YEATS4: variants seen among roughly 807,000 people sequenced by gnomAD.
The protein encoded by YEATS4 is YEATS domain containing 4.
A neutral mutation model predicts 30.1 loss-of-function variants in YEATS4; 17 were observed. The observed-to-expected ratio is 0.56, with a 90% CI of 0.39 to 0.85. The LOEUF (loss-of-function observed/expected upper bound fraction) is 0.85. Among genes scored for constraint, YEATS4 ranks in the 40% least tolerant of loss-of-function variants. The pLI is 0.00. For missense variants in YEATS4, 142 were observed against 268.3 expected (o/e 0.53, Z 3.29); for synonymous variants, 85 against 87.5 (o/e 0.97, Z 0.16).
the YEATS4 span, among the ~76,000 whole-genome samples, chr12:69,413,858 A>AAAAAAG: frequency 7.4e-5 from 11 of 149,032 alleles, no homozygotes; most frequent in Admixed American, 4.1e-4. Flanking sequence ...TCAAAAAAAA[A>AAAAAAG]AAAAAGAAAA....
intron 6 of YEATS4, among the ~76,000 whole-genome samples, chr12:69,377,658 G>A (rs2121002998): frequency 6.6e-6 from 1 of 152,220 alleles, no homozygotes; most frequent in African/African-American, 2.4e-5. Context: ...AATTCCTCTT[G>A]TTATTGATTT....
At chr12:69,371,039 G>T in intron 6 of YEATS4, 64 bp downstream of exon 6, 1 of 1,499,070 alleles carries the variant, frequency 6.7e-7, no homozygotes, top group Non-Finnish European at 9.1e-7. Context: ...AGGGTTGTAT[G>T]ATTCGTGCCT....
At chr12:69,360,726 C>G (rs918260047) in intron 1 of YEATS4, among the ~76,000 whole-genome samples, 1 of 150,364 alleles carries the variant, frequency 6.7e-6, no homozygotes, top group African/African-American at 2.5e-5. Flanking sequence ...AGCGCAATGG[C>G]ACGATCTCGG....
At chr12:69,406,650 C>T in the YEATS4 span, among the ~76,000 whole-genome samples, 6 of 151,958 alleles carry the variant, frequency 3.9e-5, no homozygotes, top group Admixed American at 6.6e-5. Flanking sequence ...GGCCATGTAA[C>T]TGGTTTTATT....
chr12:69,389,131 G>T (rs976148938), intron 6 of YEATS4, among the ~76,000 whole-genome samples: 6 of 152,138 alleles, frequency 3.9e-5, no homozygotes, highest in African/African-American at 1.4e-4. Context: ...ATATTGGCTT[G>T]TATTGATAGT....
intron 6 of YEATS4, among the ~76,000 whole-genome samples, chr12:69,376,377 A>G (rs912052431): frequency 2.6e-5 from 4 of 152,358 alleles, no homozygotes; most frequent in African/African-American, 9.6e-5. Flanking sequence ...GAATAAATAA[A>G]TAAATAAATA....
At chr12:69,416,504 C>A in the YEATS4 span, among the ~76,000 whole-genome samples, 1 of 152,108 alleles carries the variant, frequency 6.6e-6, no homozygotes, top group African/African-American at 2.4e-5. Context: ...CTAAATGGTG[C>A]TTATCAGTGT....
the YEATS4 span, among the ~76,000 whole-genome samples, chr12:69,410,505 AATT>A: frequency 2.0e-5 from 3 of 152,230 alleles, no homozygotes; most frequent in Admixed American, 2.0e-4. Context: ...GTCAGGCAAA[AATT>A]ATTATATGTG....
At chr12:69,361,247 GTGTGT>G (rs1875193958) in intron 1 of YEATS4, 1 of 136,676 alleles carries the variant, frequency 7.3e-6, no homozygotes, top group African/African-American at 3.5e-5. Flanking sequence ...ACTTATGTGT[GTGTGT>G]GTGTGTGTGT....
chr12:69,363,283 G>A (rs1007268105), intron 2 of YEATS4, among the ~76,000 whole-genome samples: 5 of 151,744 alleles, frequency 3.3e-5, no homozygotes, highest in South Asian at 2.1e-4. Context: ...GTGAGCCACC[G>A]CGCCCGGCCG....
the YEATS4 span, among the ~76,000 whole-genome samples, chr12:69,415,716 G>A: frequency 1.3e-5 from 2 of 152,204 alleles, no homozygotes; most frequent in East Asian, 3.8e-4. Flanking sequence ...TGTGTATGGG[G>A]ACAGGTGAGG....
At chr12:69,417,692 G>A in the YEATS4 span, among the ~76,000 whole-genome samples, 7 of 152,128 alleles carry the variant, frequency 4.6e-5, no homozygotes, top group Middle Eastern at 3.4e-3. Context: ...CACTACCCAC[G>A]TACTGTGTTT....
At position 69,368,912 on chromosome 12, in the gene YEATS4, A is replaced by C. The variant is rs553265007; in HGVS notation, c.334-1794A>C. ...TACACCTGCAAAGACCCTGTTTCCA[A>C]ATAATGTCACATCCACAGGTGCTGA... On this transcript the variant is annotated intron_variant, in intron 4 of 6. Coordinates refer to ENST00000247843, the MANE Select transcript of YEATS4 (RefSeq NM_006530.4). Among the ~76,000 whole-genome samples, 5 of 152,260 alleles carry C rather than the reference A, an allele frequency of 3.3e-5. No homozygotes were observed. The South Asian group carries it at 1.0e-3, about 32-fold the overall frequency.
At chr12:69,419,014 C>CAT in the YEATS4 span, among the ~76,000 whole-genome samples, 53,714 of 143,140 alleles carry the variant, frequency 0.38, 10,098 homozygotes, top group Non-Finnish European at 0.43. Flanking sequence ...TAATTTAAGC[C>CAT]ATATATATAT....
intron 4 of YEATS4, among the ~76,000 whole-genome samples, chr12:69,369,276 AG>A (rs963390828): frequency 2.6e-5 from 4 of 152,224 alleles, no homozygotes; most frequent in African/African-American, 9.6e-5. Flanking sequence ...GATTGATTAT[AG>A]GTGATCCTTT....
At chr12:69,382,184 T>C (rs1166506832) in intron 6 of YEATS4, among the ~76,000 whole-genome samples, 1 of 152,198 alleles carries the variant, frequency 6.6e-6, no homozygotes, top group Non-Finnish European at 1.5e-5. Flanking sequence ...TTGCACTGCA[T>C]TTGCATGCGA....
intron 2 of YEATS4, among the ~76,000 whole-genome samples, chr12:69,364,765 G>A (rs980916344): frequency 2.0e-5 from 3 of 151,946 alleles, no homozygotes; most frequent in South Asian, 2.1e-4. Flanking sequence ...GATTACAGGC[G>A]CCGCCACCAT....
the YEATS4 span, among the ~76,000 whole-genome samples, chr12:69,414,872 T>G: frequency 6.6e-6 from 1 of 152,360 alleles, no homozygotes; most frequent in African/African-American, 2.4e-5. Flanking sequence ...TGTGTTGTAC[T>G]TACGTGGCTT....
chr12:69,409,784 C>T, the YEATS4 span, among the ~76,000 whole-genome samples: 2 of 151,664 alleles, frequency 1.3e-5, no homozygotes, highest in Non-Finnish European at 2.9e-5. Context: ...ACATCTTTAG[C>T]ATGCATGTGT....
Sources: allele counts gnomAD v4.1 joint callset (sites outside exome capture counted in the v4.1 genomes callset), GRCh38; gene constraint gnomAD v4.1.1; transcripts MANE v1.5; gene names NCBI Gene and HGNC (gene_info 2026-07-23, HGNC 2026-07-21).